Variants in GRAP2 observed in about 807,000 individuals in gnomAD.
The protein encoded by GRAP2 is GRB2 related adaptor protein 2, also known as GRB2-related adapter protein 2.
Under a neutral mutation model 43.5 loss-of-function variants are expected in GRAP2, and 31 were observed. The ratio of observed to expected loss-of-function variants is 0.71; its 90% CI spans 0.54 to 0.96. The LOEUF (loss-of-function observed/expected upper bound fraction) is 0.96. Among genes scored for constraint, GRAP2 ranks in the 40% least tolerant of loss-of-function variants. The probability of loss-of-function intolerance (pLI) is 0.00; values close to 1 mark genes in which losing one functional copy is unlikely to be tolerated. For missense variants in GRAP2, 371 were observed against 424.4 expected (o/e 0.87, Z 1.11); for synonymous variants, 156 against 164.8 (o/e 0.95, Z 0.41).
intron 1 of GRAP2, among the ~76,000 whole-genome samples, chr22:39,923,370 A>G (rs761075444): frequency 6.6e-6 from 1 of 152,226 alleles, no homozygotes; most frequent in Non-Finnish European, 1.5e-5. Context: ...AATATATGGG[A>G]CATACATGAG....
chr22:39,969,515 G>C lies in GRAP2; in HGVS notation c.795G>C (p.Val265=). 1 of 1,614,028 alleles carries C rather than the reference G, an allele frequency of 6.2e-7. No homozygotes were observed. Among genetic ancestry groups the C allele is most frequent in the African/African-American group, 1.3e-5 (1 of 75,058 alleles). Reference sequence around the variant, plus strand: ...TGCATCGGAGACACACAGACCCAGTGCAGCTCCAGGCGGCAGGGGTATGGG... The same window carrying C: ...TGCATCGGAGACACACAGACCCAGTCCAGCTCCAGGCGGCAGGGGTATGGG... ...ALMHRRHTDP[V]QLQAAGRVRW... is the part of the protein sequence containing the mutation. The change falls in exon 7 of 8, where the codon GTG becomes GTC. Residue 265 remains valine, a synonymous_variant. Coordinates refer to ENST00000344138, the MANE Select transcript of GRAP2 (RefSeq NM_004810.4).
intron 1 of GRAP2, among the ~76,000 whole-genome samples, chr22:39,916,870 A>AT (rs374751496): frequency 6.1e-4 from 92 of 150,304 alleles, no homozygotes; most frequent in East Asian, 9.7e-4. Context: ...TTGGCAGGTG[A>AT]TTTTTTTTTT....
chr22:39,938,672 C>T (rs2066832415), intron 1 of GRAP2, among the ~76,000 whole-genome samples: 1 of 152,266 alleles, frequency 6.6e-6, no homozygotes, highest in African/African-American at 2.4e-5. Flanking sequence ...ACCTCTCCTG[C>T]CCACGCCTCG....
chr22:39,928,697 C>T (rs941805776), intron 1 of GRAP2, among the ~76,000 whole-genome samples: 6 of 152,146 alleles, frequency 3.9e-5, no homozygotes, highest in Admixed American at 6.5e-5. Flanking sequence ...AGAGATAGTG[C>T]GATGTCATAA....
Position 39,972,331 on chromosome 22 carries a change from T to A in GRAP2, c.*1247T>A, listed in dbSNP as rs1409297295. On this transcript the variant is annotated 3_prime_UTR_variant, in exon 8 of 8. Transcript: ENST00000344138. ...GGGTGCAAACCCGTTCTGCACCAAG[T>A]GCACTCGGAGTTTGTGGGTATGGGT... 6.6e-6 allele frequency: 1 copy of A among 152,368 alleles called. No homozygotes were observed. Among genetic ancestry groups the A allele is most frequent in the Non-Finnish European group, 1.5e-5 (1 of 68,118 alleles). 9.4% of individuals were successfully genotyped at this position (152,368 alleles called of 1,614,324 possible).
At position 39,942,728 on chromosome 22, in the gene GRAP2, G is replaced by A. The variant is rs193022216; in HGVS notation, c.-14-4365G>A. ...TCCTGTGAGCTAAAGAGTTCAAAGC[G>A]GCAGTGAGCTATGATCACACCACTG... On this transcript the variant is annotated intron_variant, in intron 1 of 7. Coordinates refer to ENST00000344138, the MANE Select transcript of GRAP2 (RefSeq NM_004810.4). 3.5e-3 allele frequency among the ~76,000 whole-genome samples: 527 copies of A among 152,162 alleles called. 3 individuals are homozygous for A. Among genetic ancestry groups the A allele is most frequent in the African/African-American group, 0.012 (504 of 41,526 alleles).
chr22:39,936,305 A>G (rs1032735002), intron 1 of GRAP2, among the ~76,000 whole-genome samples: 41 of 151,944 alleles, frequency 2.7e-4, no homozygotes, highest in African/African-American at 9.2e-4. Context: ...TTTTGCCAGC[A>G]GGATCCGAGG....
intron 4 of GRAP2, among the ~76,000 whole-genome samples, chr22:39,962,099 A>C (rs2067125324): frequency 6.6e-6 from 1 of 152,240 alleles, no homozygotes; most frequent in Non-Finnish European, 1.5e-5. Context: ...GTTAGGTCTT[A>C]ATTAATGAAA....
intron 4 of GRAP2, chr22:39,964,695 C>T (rs2067153771): frequency 3.1e-6 from 1 of 322,746 alleles, no homozygotes; most frequent in African/African-American, 2.6e-5. Flanking sequence ...AGCTGTTGTA[C>T]ATTTAAGAAT....
chr22:39,912,734 T>C (rs2145577293), intron 1 of GRAP2, among the ~76,000 whole-genome samples: 1 of 152,158 alleles, frequency 6.6e-6, no homozygotes, highest in Middle Eastern at 3.2e-3. Flanking sequence ...TCACGTGGCA[T>C]GTCACTATAT....
intron 1 of GRAP2, among the ~76,000 whole-genome samples, chr22:39,930,736 A>C (rs1276084850): frequency 6.6e-6 from 1 of 152,078 alleles, no homozygotes; most frequent in Admixed American, 6.6e-5. Context: ...GCATGCTTTC[A>C]ATGTCCTCCA....
intron 1 of GRAP2, among the ~76,000 whole-genome samples, chr22:39,946,531 CTCGAAGACCAAGAACTTCTT>C (rs2066924271): frequency 6.6e-6 from 1 of 152,214 alleles, no homozygotes; most frequent in Non-Finnish European, 1.5e-5. Flanking sequence ...AGCCTCCCAA[CTCGAAGACCAAGAACTTCTT>C]TCTACTCCCA....
At chr22:39,941,129 C>G (rs1293025180) in intron 1 of GRAP2, among the ~76,000 whole-genome samples, 1 of 152,162 alleles carries the variant, frequency 6.6e-6, no homozygotes, top group Non-Finnish European at 1.5e-5. Context: ...GGAAATCAAC[C>G]AGAGTAATGC....
At chr22:39,969,248 T>A in intron 6 of GRAP2, 163 bp from the exon 7 acceptor site, 1 of 737,054 alleles carries the variant, frequency 1.4e-6, no homozygotes. Flanking sequence ...CTAAGGTGCC[T>A]TTAGACCTTA....
chr22:39,895,418 A>G, the GRAP2 span, among the ~76,000 whole-genome samples: 1 of 152,174 alleles, frequency 6.6e-6, no homozygotes, highest in African/African-American at 2.4e-5. Context: ...ACTGGCTATA[A>G]TATAGAGTAA....
chr22:39,951,633 A>G (rs2066983491), intron 2 of GRAP2, among the ~76,000 whole-genome samples: 1 of 152,034 alleles, frequency 6.6e-6, no homozygotes, highest in Non-Finnish European at 1.5e-5. Context: ...TAAAACTTCA[A>G]GTGTTCAGGC....
At chr22:39,933,263 A>C (rs754540991) in intron 1 of GRAP2, among the ~76,000 whole-genome samples, 8 of 152,248 alleles carry the variant, frequency 5.3e-5, no homozygotes, top group Non-Finnish European at 1.2e-4. Context: ...GCCTTTATGC[A>C]GTGAGCAACC....
At chr22:39,966,216 C>A in intron 5 of GRAP2, 58 bp downstream of exon 5, 1 of 1,371,390 alleles carries the variant, frequency 7.3e-7, no homozygotes, top group Non-Finnish European at 1.0e-6. Flanking sequence ...TGAGTTCTCA[C>A]ATGAACCACC....
rs1008634550 is a variant in GRAP2, at chr22:39,971,364, T to C, written c.*280T>C. The C allele has an allele frequency of 1.6e-5, 7 of 424,808 alleles. No homozygotes were observed. In the Admixed American group the frequency reaches 3.3e-4, roughly 20 times the overall value. 26.3% of individuals were successfully genotyped at this position (424,808 alleles called of 1,614,324 possible). The stretch of plus-strand genomic sequence containing the variant: ...TTGGGAGGGGGGCAGGGAAATGAAA[T>C]GGAGTTTTGTCCTGGCCTTCAGCTG... On this transcript the variant is annotated 3_prime_UTR_variant, in exon 8 of 8. Coordinates refer to ENST00000344138, the MANE Select transcript of GRAP2 (RefSeq NM_004810.4).
Sources: gnomAD v4.1 joint callset for allele counts (sites outside exome capture counted in the v4.1 genomes callset) on GRCh38, gnomAD v4.1.1 for gene constraint, MANE v1.5 for transcripts, NCBI Gene and HGNC (gene_info 2026-07-23, HGNC 2026-07-21) for gene names.